MAF: variants seen among roughly 807,000 people sequenced by gnomAD.
The protein encoded by MAF is transcription factor Maf.
A neutral mutation model predicts 22.0 loss-of-function variants in MAF; 10 were observed. The observed-to-expected ratio is 0.45, with a 90% CI of 0.28 to 0.77. MAF has a LOEUF of 0.77. MAF is among the 30% of genes least tolerant of loss of function. The pLI is 0.12. For synonymous variants in MAF, 337 were observed against 255.8 expected (o/e 1.32, Z -3.03); for missense variants, 544 against 548.4 (o/e 0.99, Z 0.08).
At chr16:79,536,716 CT>C in the MAF span, among the ~76,000 whole-genome samples, 72 of 152,238 alleles carry the variant, frequency 4.7e-4, 1 homozygote, top group African/African-American at 1.4e-3. Flanking sequence ...ACATAGAGAA[CT>C]TTTTTTCCCT....
At chr16:79,332,404 G>A in the MAF span, among the ~76,000 whole-genome samples, 6 of 152,128 alleles carry the variant, frequency 3.9e-5, no homozygotes, top group African/African-American at 1.2e-4. Context: ...GGGTTCAAGC[G>A]ATTCTCGTGC....
chr16:79,215,493 G>A, the MAF span, among the ~76,000 whole-genome samples: 4 of 152,188 alleles, frequency 2.6e-5, no homozygotes, highest in African/African-American at 7.2e-5. Context: ...CATCAGCCAA[G>A]GTGCTGTGCA....
At chr16:79,575,363 A>T in the MAF span, among the ~76,000 whole-genome samples, 1 of 152,208 alleles carries the variant, frequency 6.6e-6, no homozygotes, top group Non-Finnish European at 1.5e-5. Flanking sequence ...AAGAGGAGAC[A>T]GTCAGCTATC....
At chr16:79,562,147 C>T in the MAF span, among the ~76,000 whole-genome samples, 2 of 152,166 alleles carry the variant, frequency 1.3e-5, no homozygotes, top group African/African-American at 2.4e-5. Context: ...CTGCTCATCC[C>T]TAAATATTCA....
chr16:79,515,458 T>C, the MAF span, among the ~76,000 whole-genome samples: 2,109 of 152,354 alleles, frequency 0.014, 50 homozygotes, highest in African/African-American at 0.047. Context: ...CAACACTTTA[T>C]TACAAAACAG....
At chr16:79,420,689 T>A in the MAF span, among the ~76,000 whole-genome samples, 6 of 152,332 alleles carry the variant, frequency 3.9e-5, no homozygotes, top group African/African-American at 1.4e-4. Flanking sequence ...AAGGTTTCAG[T>A]CATCCGCGGT....
the MAF span, among the ~76,000 whole-genome samples, chr16:79,526,644 G>T: frequency 1.3e-5 from 2 of 152,002 alleles, no homozygotes; most frequent in Non-Finnish European, 2.9e-5. Context: ...GCTTTCCGGG[G>T]CAAAAAACAA....
the MAF span, among the ~76,000 whole-genome samples, chr16:79,354,653 G>A: frequency 6.6e-6 from 1 of 152,212 alleles, no homozygotes; most frequent in Non-Finnish European, 1.5e-5. Context: ...CTGGGTGATA[G>A]CAATGTGCCA....
chr16:79,228,887 G>T, the MAF span, among the ~76,000 whole-genome samples: 4 of 151,802 alleles, frequency 2.6e-5, no homozygotes, highest in African/African-American at 9.7e-5. Context: ...CAGTGAGAAT[G>T]GTACCCCAGT....
At chr16:79,484,657 G>A in the MAF span, among the ~76,000 whole-genome samples, 7 of 152,156 alleles carry the variant, frequency 4.6e-5, no homozygotes, top group Admixed American at 3.9e-4. Context: ...GATACCCCTC[G>A]TTGGTCCAGC....
chr16:79,347,884 T>C, the MAF span, among the ~76,000 whole-genome samples: 1 of 152,318 alleles, frequency 6.6e-6, no homozygotes, highest in East Asian at 1.9e-4. Flanking sequence ...ATCACCTTTG[T>C]TTCTCTCCGT....
At chr16:79,327,428 T>C in the MAF span, among the ~76,000 whole-genome samples, 265 of 152,302 alleles carry the variant, frequency 1.7e-3, no homozygotes, top group African/African-American at 6.2e-3. Context: ...TGATAGTCTC[T>C]CTTGGAGGCA....
the MAF span, among the ~76,000 whole-genome samples, chr16:79,472,267 G>A: frequency 8.1e-3 from 1,228 of 152,224 alleles, 21 homozygotes; most frequent in African/African-American, 0.028. Context: ...CCACTCCTGG[G>A]AATCTACCCA....
chr16:79,592,158 C>T (rs75573597), downstream of MAF, among the ~76,000 whole-genome samples: 7 of 152,312 alleles, frequency 4.6e-5, no homozygotes, highest in African/African-American at 1.4e-4. Flanking sequence ...GAACAGGGAG[C>T]CCGAGATTTT....
chr16:79,277,329 C>A, the MAF span, among the ~76,000 whole-genome samples: 1 of 152,294 alleles, frequency 6.6e-6, no homozygotes, highest in Non-Finnish European at 1.5e-5. Flanking sequence ...GGTGCCCATT[C>A]CACCCACAAA....
the MAF span, among the ~76,000 whole-genome samples, chr16:79,444,494 T>TA: frequency 6.6e-6 from 1 of 152,060 alleles, no homozygotes; most frequent in African/African-American, 2.4e-5. Context: ...TCCTTATATT[T>TA]AAAAAAGGGC....
At chr16:79,329,001 A>T in the MAF span, among the ~76,000 whole-genome samples, 1 of 151,966 alleles carries the variant, frequency 6.6e-6, no homozygotes, top group East Asian at 1.9e-4. Flanking sequence ...GCTCTGAAAC[A>T]TGAAGGAGCT....
At chr16:79,343,433 C>T in the MAF span, among the ~76,000 whole-genome samples, 1 of 152,204 alleles carries the variant, frequency 6.6e-6, no homozygotes, top group South Asian at 2.1e-4. Flanking sequence ...TATTGAAACC[C>T]ACATCTGTGC....
chr16:79,501,475 C>T, the MAF span, among the ~76,000 whole-genome samples: 1 of 152,144 alleles, frequency 6.6e-6, no homozygotes, highest in Non-Finnish European at 1.5e-5. Context: ...TCTTGTCTGC[C>T]TTTCCATTGG....
Sources: gnomAD v4.1 joint callset for allele counts (sites outside exome capture counted in the v4.1 genomes callset) on GRCh38, gnomAD v4.1.1 for gene constraint, MANE v1.5 for transcripts, NCBI Gene and HGNC (gene_info 2026-07-23, HGNC 2026-07-21) for gene names.